Variants in TYW1B observed in about 807,000 individuals in gnomAD.
TYW1B encodes the protein tRNA-yW synthesizing protein 1 homolog B.
In TYW1B, 73 loss-of-function variants were observed where a neutral mutation model predicts 86.9. The observed-to-expected ratio is 0.84, with a 90% confidence interval of 0.70 to 1.02. The LOEUF (loss-of-function observed/expected upper bound fraction) is 1.02. Among genes scored for constraint, TYW1B ranks in the 50% least tolerant of loss-of-function variants. The pLI, the probability that TYW1B is intolerant of heterozygous loss-of-function variation, is 0.00. For missense variants in TYW1B, 637 were observed against 827.4 expected (o/e 0.77, Z 2.82); for synonymous variants, 248 against 292.8 (o/e 0.85, Z 1.56).
chr7:72,588,714 A>C (rs1811331259), intron 13 of TYW1B, among the ~76,000 whole-genome samples: 1 of 151,988 alleles, frequency 6.6e-6, no homozygotes, highest in Admixed American at 6.6e-5. Flanking sequence ...CACCTTCCCT[A>C]CCTTGTCTGT....
chr7:72,663,109 T>G (rs1439465896), intron 11 of TYW1B, among the ~76,000 whole-genome samples: 5 of 150,854 alleles, frequency 3.3e-5, no homozygotes, highest in African/African-American at 1.2e-4. Flanking sequence ...CGTGAATGAT[T>G]CCATGTAGAA....
intron 11 of TYW1B, among the ~76,000 whole-genome samples, chr7:72,645,220 T>C (rs1554441901): frequency 1.3e-5 from 2 of 152,192 alleles, no homozygotes; most frequent in Admixed American, 6.5e-5. Flanking sequence ...TCAAAAGTCA[T>C]GAGGCAATGG....
chr7:72,776,897 T>C (rs782413817), intron 7 of TYW1B, among the ~76,000 whole-genome samples: 1 of 152,020 alleles, frequency 6.6e-6, no homozygotes, highest in Admixed American at 6.6e-5. Flanking sequence ...TTTCTCTGCA[T>C]TGCCAGAACT....
At chr7:72,679,331 A>G (rs1432917587) in intron 11 of TYW1B, among the ~76,000 whole-genome samples, 2 of 152,216 alleles carry the variant, frequency 1.3e-5, no homozygotes, top group African/African-American at 2.4e-5. Context: ...GACACTCTCA[A>G]TAATGTTCAC....
intron 11 of TYW1B, among the ~76,000 whole-genome samples, chr7:72,657,541 G>C (rs1179409118): frequency 1.3e-5 from 2 of 152,098 alleles, no homozygotes; most frequent in South Asian, 2.1e-4. Context: ...TCTTCTCTAA[G>C]GCACACTATA....
chr7:72,812,095 T>C (rs576165325), intron 3 of TYW1B, among the ~76,000 whole-genome samples: 1 of 151,604 alleles, frequency 6.6e-6, no homozygotes, highest in African/African-American at 2.4e-5. Flanking sequence ...GGGTATCCAT[T>C]ATCCAGAATG....
intron 10 of TYW1B, among the ~76,000 whole-genome samples, chr7:72,708,762 G>T (rs1814672787): frequency 6.6e-6 from 1 of 152,096 alleles, no homozygotes; most frequent in African/African-American, 2.4e-5. Flanking sequence ...GGGTTGGCAG[G>T]GAGCATCCTT....
chr7:72,753,117 T>TA lies in TYW1B; in HGVS notation c.965-8517dup, dbSNP rs782534936. Among the ~76,000 whole-genome samples the TA allele has an allele frequency of 3.4e-3, 491 of 146,132 alleles. 2 individuals carry two copies. The highest frequency in any genetic ancestry group is 5.4e-3 in the Non-Finnish European group (354 of 66,094). On this transcript the variant is annotated intron_variant, in intron 7 of 13. Transcript: ENST00000620995. ...GAGTAACTAAATATTCTTGGTTGAT[T>TA]AAAAAAAAAAAGAAAGAAGAGCTCG...
intron 11 of TYW1B, among the ~76,000 whole-genome samples, chr7:72,665,909 A>G (rs1163771602): frequency 6.6e-6 from 1 of 152,216 alleles, no homozygotes; most frequent in Non-Finnish European, 1.5e-5. Flanking sequence ...TTATGCAAAC[A>G]TAAGAAGGCA....
At chr7:72,643,553 C>T (rs1554441721) in intron 11 of TYW1B, among the ~76,000 whole-genome samples, 2 of 151,420 alleles carry the variant, frequency 1.3e-5, no homozygotes, top group African/African-American at 4.9e-5. Context: ...CAACACTGCA[C>T]TCCAGCCTGG....
chr7:72,698,499 A>G (rs1238816404), intron 10 of TYW1B, among the ~76,000 whole-genome samples: 1 of 152,002 alleles, frequency 6.6e-6, no homozygotes, highest in Non-Finnish European at 1.5e-5. Flanking sequence ...TACAAAAATT[A>G]GCCAGGCATG....
intron 7 of TYW1B, among the ~76,000 whole-genome samples, chr7:72,757,060 C>T (rs368980740): frequency 1.3e-4 from 19 of 151,940 alleles, no homozygotes; most frequent in African/African-American, 4.6e-4. Flanking sequence ...TATCTCCATG[C>T]GAAAATATGT....
rs186130125 is a variant in TYW1B, at chr7:72,788,596, A to C, written c.847-11063T>G. ...TGCCCAGGCTGGAGTGCAGTGGCAC[A>C]ATCTTGGCTCACTGCAACCTCCGCT... On this transcript the variant is annotated intron_variant, in intron 6 of 13. Transcript: ENST00000620995. Among the ~76,000 whole-genome samples, 21 of 150,118 alleles carry C rather than the reference A, an allele frequency of 1.4e-4. No individual in the cohort carries two copies. The East Asian group carries it at 4.2e-3, about 30-fold the overall frequency.
At position 72,681,982 on chromosome 7, in the gene TYW1B, A is replaced by T. The variant is rs188761316; in HGVS notation, c.1506+12705T>A. On this transcript the variant is annotated intron_variant, in intron 11 of 13. Transcript: ENST00000620995. ...AACCTCCGCCTCCCGGGTTCAGGTG[A>T]TTCTCCTGCCTCAGCCTCCCGAGTA... Among the ~76,000 whole-genome samples the T allele has an allele frequency of 6.0e-3, 910 of 151,748 alleles. 12 individuals carry two copies. Among genetic ancestry groups the T allele is most frequent in the African/African-American group, 0.021 (863 of 41,358 alleles).
intron 6 of TYW1B, among the ~76,000 whole-genome samples, chr7:72,792,805 G>A (rs1788242771): frequency 6.6e-6 from 1 of 152,164 alleles, no homozygotes; most frequent in Admixed American, 6.6e-5. Context: ...GACAGGACCA[G>A]AAAGTTGTCA....
chr7:72,821,495 C>T (rs1288959750), intron 2 of TYW1B, among the ~76,000 whole-genome samples: 1 of 152,210 alleles, frequency 6.6e-6, no homozygotes, highest in Non-Finnish European at 1.5e-5. Context: ...AAATCTTTGC[C>T]TTCCTTTACT....
intron 10 of TYW1B, among the ~76,000 whole-genome samples, chr7:72,709,579 A>T (rs1314209259): frequency 6.6e-6 from 1 of 152,150 alleles, no homozygotes; most frequent in Admixed American, 6.6e-5. Flanking sequence ...GAGGCAGGAG[A>T]ATCACTTGAA....
At chr7:72,768,240 CA>C (rs34109354) in intron 7 of TYW1B, among the ~76,000 whole-genome samples, 345 of 141,404 alleles carry the variant, frequency 2.4e-3, no homozygotes, top group Admixed American at 2.7e-3. Flanking sequence ...GACCCTACCT[CA>C]AAAAAAAAAA....
intron 10 of TYW1B, among the ~76,000 whole-genome samples, chr7:72,708,026 C>A (rs1814653700): frequency 6.6e-6 from 1 of 152,204 alleles, no homozygotes; most frequent in African/African-American, 2.4e-5. Context: ...CCTGAGGCCT[C>A]CCCTGCCGTG....
Sources: allele counts gnomAD v4.1 joint callset (sites outside exome capture counted in the v4.1 genomes callset), GRCh38; gene constraint gnomAD v4.1.1; transcripts MANE v1.5; gene names NCBI Gene and HGNC (gene_info 2026-07-23, HGNC 2026-07-21).